Variants in RAD51B observed in about 807,000 individuals in gnomAD.
RAD51B encodes the protein RAD51 paralog B.
In RAD51B, 38 loss-of-function variants were observed where a neutral mutation model predicts 42.2. That is an observed-to-expected ratio of 0.90 (90% CI 0.70 to 1.18). RAD51B has a LOEUF of 1.18. Among genes scored for constraint, RAD51B ranks in the 50% most tolerant of loss-of-function variants. The pLI is 0.00. For missense variants in RAD51B, 373 were observed against 400.7 expected (o/e 0.93, Z 0.59); for synonymous variants, 154 against 145.2 (o/e 1.06, Z -0.43).
At chr14:68,078,172 G>A (rs1208475888) in intron 7 of RAD51B, among the ~76,000 whole-genome samples, 11 of 151,570 alleles carry the variant, frequency 7.3e-5, no homozygotes, top group Admixed American at 7.2e-4. Context: ...CAATTGAGTC[G>A]CTAGGAAATA....
At chr14:68,042,782 T>C (rs150193124) in intron 7 of RAD51B, among the ~76,000 whole-genome samples, 2 of 152,354 alleles carry the variant, frequency 1.3e-5, no homozygotes, top group Non-Finnish European at 2.9e-5. Context: ...ACTTTGTGCA[T>C]GTTGAGGCCA....
chr14:68,188,618 C>T (rs936472225), intron 7 of RAD51B, among the ~76,000 whole-genome samples: 1 of 152,164 alleles, frequency 6.6e-6, no homozygotes, highest in East Asian at 1.9e-4. Context: ...TTTTTCCACA[C>T]TGACATTCTT....
chr14:68,130,145 T>C (rs2077856110), intron 7 of RAD51B: 1 of 152,242 alleles, frequency 6.6e-6, no homozygotes, highest in Non-Finnish European at 1.5e-5. Context: ...ACTGAAGTCT[T>C]GTTTTCTTGG....
At chr14:68,654,355 C>T (rs1352213290) in intron 11 of RAD51B, among the ~76,000 whole-genome samples, 1 of 152,194 alleles carries the variant, frequency 6.6e-6, no homozygotes, top group Non-Finnish European at 1.5e-5. Flanking sequence ...TGTGGGGACA[C>T]CTTTACGTCA....
intron 7 of RAD51B, among the ~76,000 whole-genome samples, chr14:67,971,045 A>G (rs1010235226): frequency 6.6e-6 from 1 of 152,100 alleles, no homozygotes; most frequent in African/African-American, 2.4e-5. Context: ...TTTTTAAACT[A>G]TATATTTCAC....
chr14:68,188,276 T>C lies in RAD51B; in HGVS notation c.757-103608T>C, dbSNP rs912292568. 2.6e-5 allele frequency among the ~76,000 whole-genome samples: 4 copies of C among 151,994 alleles called. No individual in the cohort carries two copies. In the South Asian group the frequency reaches 8.3e-4, roughly 32 times the overall value. On this transcript the variant is annotated intron_variant, in intron 7 of 10. Transcript: ENST00000471583. ...TTTTTTCTTTGTTGTTCTTCTTTTT[T>C]CTTTTTCCTTCTTCCCTTCTTCCTT... is the stretch of plus-strand genomic sequence containing the variant.
intron 10 of RAD51B, among the ~76,000 whole-genome samples, chr14:68,602,518 C>CTAGATAGA (rs1491581669): frequency 6.8e-5 from 9 of 132,438 alleles, no homozygotes; most frequent in African/African-American, 2.3e-4. Context: ...AGATAGATAG[C>CTAGATAGA]TAGCTAGATA....
At chr14:68,278,533 T>C (rs1393306030) in intron 7 of RAD51B, among the ~76,000 whole-genome samples, 1 of 152,192 alleles carries the variant, frequency 6.6e-6, no homozygotes, top group Admixed American at 6.5e-5. Flanking sequence ...TGTAGTGCTC[T>C]TCAGTTTTCA....
At chr14:68,142,326 G>A (rs1284149427) in intron 7 of RAD51B, among the ~76,000 whole-genome samples, 1 of 152,082 alleles carries the variant, frequency 6.6e-6, no homozygotes, top group Non-Finnish European at 1.5e-5. Context: ...ACTCTTTTAA[G>A]CCCTTTAAGG....
chr14:68,595,970 A>C, exon 11 of RAD51B: 1 of 586,302 alleles, frequency 1.7e-6, no homozygotes, highest in East Asian at 5.8e-5. Flanking sequence ...TTTTTTTTCA[A>C]GTTTCCTCCC....
intron 7 of RAD51B, among the ~76,000 whole-genome samples, chr14:67,999,835 TG>T (rs1371039752): frequency 1.3e-5 from 2 of 152,046 alleles, no homozygotes; most frequent in East Asian, 3.8e-4. Context: ...GCCTTGAAGG[TG>T]GAGTAGGGTT....
intron 7 of RAD51B, among the ~76,000 whole-genome samples, chr14:68,157,739 T>C (rs1178958150): frequency 6.6e-6 from 1 of 152,256 alleles, no homozygotes; most frequent in East Asian, 1.9e-4. Flanking sequence ...ACTATTATTT[T>C]TTTAAGAAAT....
chr14:68,200,084 G>C (rs941699537), intron 7 of RAD51B, among the ~76,000 whole-genome samples: 1 of 152,146 alleles, frequency 6.6e-6, no homozygotes, highest in African/African-American at 2.4e-5. Context: ...AGAATTAACC[G>C]CATGACAGCA....
downstream of RAD51B, among the ~76,000 whole-genome samples, chr14:68,596,355 G>T (rs1196411446): frequency 6.6e-6 from 1 of 152,182 alleles, no homozygotes; most frequent in Non-Finnish European, 1.5e-5. Context: ...CTTGACAGCT[G>T]CTCGGTGGGT....
chr14:68,431,602 CT>C (rs1283558459), intron 9 of RAD51B, among the ~76,000 whole-genome samples: 1 of 152,234 alleles, frequency 6.6e-6, no homozygotes, highest in East Asian at 1.9e-4. Flanking sequence ...GTGATATCCC[CT>C]TTATCATTTT....
At position 68,434,291 on chromosome 14, in the gene RAD51B, TCTGCAGAGGTTTCTGCTGC is replaced by T. The variant is rs976514818; in HGVS notation, c.957+22767_957+22785del. ...AAACTGTCAGACAGGGACATTTAAG[TCTGCAGAGGTTTCTGCTGC>T]CTTTTGTTCAGCTATGTCCTGCCCC... is the stretch of plus-strand genomic sequence containing the variant. On this transcript the variant is annotated intron_variant, in intron 9 of 10. Coordinates refer to ENST00000471583, the MANE Select transcript of RAD51B (RefSeq NM_133510.4). Among the ~76,000 whole-genome samples, 79 of 152,288 alleles carry T rather than the reference TCTGCAGAGGTTTCTGCTGC, an allele frequency of 5.2e-4. 1 individual carries two copies. The highest frequency in any genetic ancestry group is 1.9e-3 in the African/African-American group (78 of 41,558).
intron 7 of RAD51B, among the ~76,000 whole-genome samples, chr14:68,129,460 A>T (rs1566667422): frequency 6.6e-6 from 1 of 152,190 alleles, no homozygotes; most frequent in Non-Finnish European, 1.5e-5. Flanking sequence ...TGTCTGGTTC[A>T]GTGTAGATAC....
chr14:67,997,618 A>G (rs955608870), intron 7 of RAD51B, among the ~76,000 whole-genome samples: 1 of 152,044 alleles, frequency 6.6e-6, no homozygotes, highest in African/African-American at 2.4e-5. Context: ...GCTGTTTGTC[A>G]TTTGTTGAGA....
chr14:68,623,815 C>T (rs902916600), intron 10 of RAD51B, among the ~76,000 whole-genome samples: 5 of 152,228 alleles, frequency 3.3e-5, no homozygotes, highest in African/African-American at 1.2e-4. Flanking sequence ...TTTTATTTTT[C>T]TATGTCTTGA....
Sources: allele counts gnomAD v4.1 joint callset (sites outside exome capture counted in the v4.1 genomes callset), GRCh38; gene constraint gnomAD v4.1.1; transcripts MANE v1.5; gene names NCBI Gene and HGNC (gene_info 2026-07-23, HGNC 2026-07-21).